SPOCK3: variants seen among roughly 807,000 people sequenced by gnomAD.
SPOCK3 encodes SPARC (osteonectin), cwcv and kazal like domains proteoglycan 3, also known as testican-3.
In SPOCK3, 30 loss-of-function variants were observed where a neutral mutation model predicts 56.6. The observed-to-expected ratio is 0.53, with a 90% CI of 0.40 to 0.72. The LOEUF (loss-of-function observed/expected upper bound fraction) is 0.72. Among genes scored for constraint, SPOCK3 ranks in the 30% least tolerant of loss-of-function variants. The probability of loss-of-function intolerance (pLI) is 0.00; values close to 1 mark genes in which losing one functional copy is unlikely to be tolerated. For missense variants in SPOCK3, 527 were observed against 530.0 expected (o/e 0.99, Z 0.06); for synonymous variants, 196 against 183.3 (o/e 1.07, Z -0.56).
chr4:167,145,682 A>G (rs1763885986), intron 2 of SPOCK3, among the ~76,000 whole-genome samples: 1 of 152,158 alleles, frequency 6.6e-6, no homozygotes, highest in Non-Finnish European at 1.5e-5. Context: ...AGAATTTTCA[A>G]TCCAGAATTT....
In SPOCK3 at chr4:167,099,462, C is replaced by T. The variant is rs75308800; in HGVS notation, c.190-36925G>A. Among the ~76,000 whole-genome samples, 154 of 151,836 alleles carry T rather than the reference C, an allele frequency of 1.0e-3. 4 individuals carry two copies. The East Asian group carries it at 0.028, about 28-fold the overall frequency. On this transcript the variant is annotated intron_variant, in intron 2 of 10. Transcript: ENST00000357545. Reference sequence around the variant, plus strand: ...AATTAGATGCACATGTGACAAATAACTTAGATCAGAGGTACGTGAAATTTA... The same window carrying T: ...AATTAGATGCACATGTGACAAATAATTTAGATCAGAGGTACGTGAAATTTA...
At chr4:166,850,456 G>A (rs190061146) in intron 6 of SPOCK3, among the ~76,000 whole-genome samples, 9 of 152,316 alleles carry the variant, frequency 5.9e-5, no homozygotes, top group South Asian at 4.1e-4. Flanking sequence ...TTTGAATTTC[G>A]GGAGGAGCCA....
chr4:166,942,094 T>C lies in SPOCK3; in HGVS notation c.351-29351A>G, dbSNP rs182491300. 3.3e-5 allele frequency among the ~76,000 whole-genome samples: 5 copies of C among 152,350 alleles called. No individual in the cohort carries two copies. In the East Asian group the frequency reaches 9.6e-4, roughly 29 times the overall value. On this transcript the variant is annotated intron_variant, in intron 4 of 10. Transcript: ENST00000357545. ...ATACATAACTTTATAAACACTTAAA[T>C]GTTACTGTATCTCCCTTAGACTTTC... is the stretch of plus-strand genomic sequence containing the variant.
intron 2 of SPOCK3, among the ~76,000 whole-genome samples, chr4:167,067,725 C>A (rs1282427286): frequency 6.6e-6 from 1 of 151,696 alleles, no homozygotes; most frequent in African/African-American, 2.4e-5. Flanking sequence ...TATTTACTGA[C>A]ACTTTATTAT....
intron 2 of SPOCK3, among the ~76,000 whole-genome samples, chr4:167,220,813 T>A (rs1735837882): frequency 6.6e-6 from 1 of 152,118 alleles, no homozygotes; most frequent in African/African-American, 2.4e-5. Context: ...TCTGTAGGGA[T>A]AAACATTACT....
At chr4:166,937,519 A>G (rs982626674) in intron 4 of SPOCK3, among the ~76,000 whole-genome samples, 3 of 148,206 alleles carry the variant, frequency 2.0e-5, no homozygotes, top group African/African-American at 7.3e-5. Context: ...CTAGAAGCAT[A>G]TATTTATATG....
At chr4:166,737,679 A>G in intron 9 of SPOCK3, 75 bp from the exon 10 acceptor site, 2 of 1,482,954 alleles carry the variant, frequency 1.3e-6, no homozygotes, top group Non-Finnish European at 1.8e-6. Context: ...TCTGAGAAGC[A>G]CCCATTATGC....
At chr4:166,932,705 AATG>A (rs1739929302) in intron 4 of SPOCK3, among the ~76,000 whole-genome samples, 1 of 152,188 alleles carries the variant, frequency 6.6e-6, no homozygotes, top group Admixed American at 6.5e-5. Flanking sequence ...ACCTCATGAG[AATG>A]TAGTCTCTTT....
chr4:167,030,877 C>G (rs965643037), intron 3 of SPOCK3, among the ~76,000 whole-genome samples: 1 of 152,010 alleles, frequency 6.6e-6, no homozygotes, highest in South Asian at 2.1e-4. Context: ...GAACTCTTGG[C>G]CATCTCTTTA....
At chr4:167,001,315 T>C (rs1748932840) in intron 3 of SPOCK3, among the ~76,000 whole-genome samples, 1 of 152,168 alleles carries the variant, frequency 6.6e-6, no homozygotes. Flanking sequence ...ATTAGGCAAC[T>C]ACTCATCTAA....
intron 2 of SPOCK3, among the ~76,000 whole-genome samples, chr4:167,160,963 C>A (rs1172890373): frequency 6.6e-6 from 1 of 152,122 alleles, no homozygotes; most frequent in Non-Finnish European, 1.5e-5. Flanking sequence ...CTAGGCAATA[C>A]CATTCAGGAC....
Position 166,754,488 on chromosome 4 carries a change from G to A in SPOCK3, c.931+20C>T. On this transcript the variant is annotated intron_variant, in intron 8 of 10. Coordinates refer to ENST00000357545, the MANE Select transcript of SPOCK3 (RefSeq NM_001040159.2). ...ACATGCAGGTCAACTATTTGCGTCTGTAAGGGTCTCATCTTTTACCTTGCT... is the reference window on the plus strand; with the variant it reads ...ACATGCAGGTCAACTATTTGCGTCTATAAGGGTCTCATCTTTTACCTTGCT... 6.2e-7 allele frequency: 1 copy of A among 1,605,526 alleles called. No homozygotes were observed. Among genetic ancestry groups the A allele is most frequent in the South Asian group, 1.1e-5 (1 of 90,556 alleles).
intron 4 of SPOCK3, among the ~76,000 whole-genome samples, chr4:166,986,298 C>G (rs1283357274): frequency 6.6e-6 from 1 of 152,088 alleles, no homozygotes; most frequent in Non-Finnish European, 1.5e-5. Flanking sequence ...TGAAGTGTTA[C>G]CCATCACACC....
intron 8 of SPOCK3, among the ~76,000 whole-genome samples, chr4:166,749,155 A>G (rs1282743094): frequency 7.3e-6 from 1 of 137,604 alleles, no homozygotes; most frequent in Non-Finnish European, 1.5e-5. Context: ...CCAAAGGATT[A>G]TAAATCATGC....
Position 166,840,781 on chromosome 4 carries a change from T to TTTTG in SPOCK3, c.589+48348_589+48349insCAAA, listed in dbSNP as rs1189346664. On this transcript the variant is annotated intron_variant, in intron 6 of 10. Coordinates refer to ENST00000357545, the MANE Select transcript of SPOCK3 (RefSeq NM_001040159.2). ...TTCCCAGAAGCAAAAGTTTTTTTTT[T>TTTTG]TTTTTTTTTTTTTTTTAGATGCAGT... Among the ~76,000 whole-genome samples the TTTTG allele has an allele frequency of 3.6e-5, 5 of 139,050 alleles. No individual in the cohort carries two copies. The East Asian group carries it at 1.2e-3, about 33-fold the overall frequency. 91.2% of individuals were successfully genotyped at this position (139,050 alleles called of 152,430 possible). A position where few individuals can be genotyped will look rare whatever the true frequency, so the allele number is the denominator to read the frequency against.
intron 2 of SPOCK3, among the ~76,000 whole-genome samples, chr4:167,106,828 T>C (rs1289023052): frequency 6.6e-6 from 1 of 150,810 alleles, no homozygotes; most frequent in Non-Finnish European, 1.5e-5. Context: ...CCATTACAAT[T>C]GATACCACAG....
intron 2 of SPOCK3, among the ~76,000 whole-genome samples, chr4:167,071,477 G>C (rs763572673): frequency 6.6e-6 from 1 of 151,618 alleles, no homozygotes; most frequent in African/African-American, 2.4e-5. Context: ...ACCTATGAGT[G>C]AGAACATGCG....
chr4:166,829,762 A>T (rs954321281), intron 6 of SPOCK3, among the ~76,000 whole-genome samples: 2 of 152,120 alleles, frequency 1.3e-5, no homozygotes, highest in African/African-American at 4.8e-5. Flanking sequence ...GTAGCTTATC[A>T]TAACACGTGG....
chr4:166,768,832 T>C (rs6811155), intron 7 of SPOCK3, among the ~76,000 whole-genome samples: 80,372 of 152,162 alleles, frequency 0.53, 21,908 homozygotes, highest in African/African-American at 0.61. Flanking sequence ...ACCAGTCAGA[T>C]GTAAATTTGG....
Sources: allele counts gnomAD v4.1 joint callset (sites outside exome capture counted in the v4.1 genomes callset), GRCh38; gene constraint gnomAD v4.1.1; transcripts MANE v1.5; gene names NCBI Gene and HGNC (gene_info 2026-07-23, HGNC 2026-07-21).